The following PPP1R17 variants were observed in gnomAD, a reference collection of about 807,000 sequenced individuals.
PPP1R17 encodes the protein protein phosphatase 1 regulatory subunit 17, also known as G-substrate.
In PPP1R17, 12 loss-of-function variants were observed where a neutral mutation model predicts 15.9. The observed-to-expected ratio is 0.75, with a 90% CI of 0.48 to 1.22. The LOEUF is 1.22. Among genes scored for constraint, PPP1R17 ranks in the 50% most tolerant of loss-of-function variants. PPP1R17 has a pLI of 0.00. For missense variants in PPP1R17, 211 were observed against 187.3 expected (o/e 1.13, Z -0.74); for synonymous variants, 63 against 64.5 (o/e 0.98, Z 0.11).
chr7:31,704,466 TATAG>T (rs1363439680), intron 4 of PPP1R17, among the ~76,000 whole-genome samples: 1 of 152,160 alleles, frequency 6.6e-6, no homozygotes, highest in Non-Finnish European at 1.5e-5. Flanking sequence ...AACTCTTCTG[TATAG>T]AGAGAGGACG....
Position 31,696,979 on chromosome 7 carries a change from C to A in PPP1R17, c.250C>A (p.His84Asn). The stretch of plus-strand genomic sequence containing the variant: ...TAACCATGCAGGTGTGTTTTCAGAA[C>A]ATTTAATTAAAAGATACGATGTTCA... ...PPFIPGVFSE[H>N]LIKRYDVQER... Residue 84 changes from histidine (H) to asparagine (N), a missense_variant, in exon 4 of 5, where the codon CAT (histidine) becomes AAT (asparagine). Coordinates refer to ENST00000342032, the MANE Select transcript of PPP1R17 (RefSeq NM_006658.5). 6.2e-7 allele frequency: 1 copy of A among 1,613,962 alleles called. No homozygotes were observed. The highest frequency in any genetic ancestry group is 8.5e-7 in the Non-Finnish European group (1 of 1,179,934).
At chr7:31,702,168 A>G (rs1289902632) in intron 4 of PPP1R17, among the ~76,000 whole-genome samples, 2 of 151,500 alleles carry the variant, frequency 1.3e-5, no homozygotes, top group African/African-American at 2.4e-5. Flanking sequence ...TCTGCCTTAG[A>G]ATTGTGATAT....
chr7:31,706,737 C>T (rs371048270), intron 4 of PPP1R17, among the ~76,000 whole-genome samples: 15 of 152,312 alleles, frequency 9.8e-5, no homozygotes, highest in East Asian at 1.9e-4. Context: ...CATTTACTTG[C>T]TCTGGGTTAA....
At chr7:31,688,460 G>T (rs1298781495) in intron 1 of PPP1R17, among the ~76,000 whole-genome samples, 1 of 152,206 alleles carries the variant, frequency 6.6e-6, no homozygotes, top group Admixed American at 6.5e-5. Context: ...ACCAGCTTCT[G>T]ACCACACACT....
chr7:31,707,157 G>A, intron 4 of PPP1R17, 47 bp from the exon 5 acceptor site: 2 of 1,557,606 alleles, frequency 1.3e-6, no homozygotes, highest in Non-Finnish European at 8.8e-7. Flanking sequence ...GTTGCCTAAT[G>A]TTTTAATTAG....
At chr7:31,698,715 A>T (rs1024341174) in intron 4 of PPP1R17, among the ~76,000 whole-genome samples, 1 of 152,220 alleles carries the variant, frequency 6.6e-6, no homozygotes, top group African/African-American at 2.4e-5. Context: ...ACATAATAGA[A>T]AGTCTGCTAG....
Position 31,707,214 on chromosome 7 carries a change from G to T in PPP1R17, c.399G>T (p.Leu133Phe). 6.2e-7 allele frequency: 1 copy of T among 1,613,860 alleles called. No individual in the cohort carries two copies. Among genetic ancestry groups the T allele is most frequent in the Non-Finnish European group, 8.5e-7 (1 of 1,179,834 alleles). The stretch of plus-strand genomic sequence containing the variant: ...TGCTTTGTTTTGCAGGTGTGACATT[G>T]CTCAGGGACGAGAGACCCAAAGCAA... ...HMSPFAAGVT[L>F]LRDERPKAIV... is the part of the protein sequence containing the mutation. Residue 133 changes from leucine to phenylalanine, a missense_variant, in exon 5 of 5, where the codon TTG (leucine) becomes TTT (phenylalanine). Transcript: ENST00000342032.
intron 4 of PPP1R17, among the ~76,000 whole-genome samples, chr7:31,705,394 A>C (rs1463529549): frequency 1.3e-5 from 2 of 152,142 alleles, no homozygotes; most frequent in Non-Finnish European, 2.9e-5. Context: ...AGCTAACTCT[A>C]TGTTCTCCTG....
At chr7:31,697,251 A>C (rs1792627571) in intron 4 of PPP1R17, 134 bp downstream of exon 4, 1 of 1,081,650 alleles carries the variant, frequency 9.2e-7, no homozygotes, top group South Asian at 1.7e-5. Context: ...TCTGGGGAGA[A>C]GCCACACTCA....
chr7:31,694,614 C>A (rs757318316), intron 2 of PPP1R17, among the ~76,000 whole-genome samples: 4 of 152,056 alleles, frequency 2.6e-5, no homozygotes, highest in Non-Finnish European at 5.9e-5. Context: ...AGACTATAAT[C>A]CTTAATCTCC....
At chr7:31,694,871 A>G (rs997782185) in intron 2 of PPP1R17, among the ~76,000 whole-genome samples, 1 of 152,192 alleles carries the variant, frequency 6.6e-6, no homozygotes, top group African/African-American at 2.4e-5. Context: ...AAAAGTAAAT[A>G]AATGAGTCAG....
chr7:31,700,395 G>C (rs1404111838), intron 4 of PPP1R17, among the ~76,000 whole-genome samples: 1 of 152,304 alleles, frequency 6.6e-6, no homozygotes, highest in East Asian at 1.9e-4. Flanking sequence ...TGAAGGTTGA[G>C]AGAGGGGAGG....
chr7:31,707,343 AG>A lies in PPP1R17; in HGVS notation c.*61del. 7.2e-7 allele frequency: 1 copy of A among 1,387,088 alleles called. No homozygotes were observed. Among genetic ancestry groups the A allele is most frequent in the South Asian group, 1.3e-5 (1 of 78,946 alleles). The allele number at this position is 1,387,088 out of a possible 1,614,324, so 85.9% of individuals were successfully genotyped here. A position where few individuals can be genotyped will look rare whatever the true frequency, so the allele number is the denominator to read the frequency against. ...AGATTGGTTCCCTGTGGTGACCTAG[AG>A]AAAAAATAGACTTGTTTCTGCTCTC... On this transcript the variant is annotated 3_prime_UTR_variant, in exon 5 of 5. Transcript: ENST00000342032.
At chr7:31,689,250 G>A (rs950587798) in intron 1 of PPP1R17, among the ~76,000 whole-genome samples, 3 of 152,200 alleles carry the variant, frequency 2.0e-5, no homozygotes, top group Non-Finnish European at 4.4e-5. Flanking sequence ...TGTTAAAAAG[G>A]TCACAAGTCT....
intron 4 of PPP1R17, 101 bp downstream of exon 4, chr7:31,697,218 C>A: frequency 1.4e-6 from 2 of 1,440,420 alleles, no homozygotes; most frequent in Middle Eastern, 2.2e-4. Context: ...CCTGCCCCAG[C>A]AAGCTGCGTT....
intron 1 of PPP1R17, among the ~76,000 whole-genome samples, chr7:31,689,004 C>T (rs1301273879): frequency 1.3e-5 from 2 of 152,172 alleles, no homozygotes; most frequent in Admixed American, 6.5e-5. Context: ...GTCTTTATGT[C>T]ACTTAGTGTG....
chr7:31,705,986 ATTTTTTTTTTTTTT>A (rs550189867), intron 4 of PPP1R17, among the ~76,000 whole-genome samples: 19 of 52,514 alleles, frequency 3.6e-4, no homozygotes, highest in East Asian at 1.7e-3. Flanking sequence ...CAGACCAGTA[ATTTTTTTTTTTTTT>A]TTTTTTTTTT....
chr7:31,690,378 A>G (rs1030199002), intron 1 of PPP1R17, among the ~76,000 whole-genome samples: 5 of 152,212 alleles, frequency 3.3e-5, no homozygotes, highest in African/African-American at 1.2e-4. Flanking sequence ...CAGATGAGGA[A>G]ACTCAGGGTA....
chr7:31,700,465 AG>A (rs1215341799), intron 4 of PPP1R17, among the ~76,000 whole-genome samples: 1 of 152,242 alleles, frequency 6.6e-6, no homozygotes, highest in African/African-American at 2.4e-5. Flanking sequence ...ATTTAAGGAA[AG>A]AAGCCATCTC....
Sources: allele counts gnomAD v4.1 joint callset (sites outside exome capture counted in the v4.1 genomes callset), GRCh38; gene constraint gnomAD v4.1.1; transcripts MANE v1.5; gene names NCBI Gene and HGNC (gene_info 2026-07-23, HGNC 2026-07-21).